The following HSD17B12 variants were observed in gnomAD, a reference collection of about 807,000 sequenced individuals.
HSD17B12 encodes hydroxysteroid 17-beta dehydrogenase 12.
In HSD17B12, 32 loss-of-function variants were observed where a neutral mutation model predicts 39.3. The observed-to-expected ratio is 0.81, with a 90% CI of 0.61 to 1.09. The LOEUF is 1.09. Ranked by LOEUF, HSD17B12 falls within the 50% of genes least tolerant of loss-of-function variation. The pLI, the probability that HSD17B12 is intolerant of heterozygous loss-of-function variation, is 0.00. For missense variants in HSD17B12, 342 were observed against 382.9 expected, an observed-to-expected ratio of 0.89 and a Z score of 0.89; for synonymous variants, 150 against 146.7, an observed-to-expected ratio of 1.02 and a Z score of -0.16.
the HSD17B12 span, among the ~76,000 whole-genome samples, chr11:43,665,055 CCTT>C: frequency 6.6e-6 from 1 of 152,110 alleles, no homozygotes; most frequent in Non-Finnish European, 1.5e-5. Context: ...TCATTCATAT[CCTT>C]CTTAAACACG....
At chr11:43,850,662 C>G (rs1951522021) in intron 9 of HSD17B12, among the ~76,000 whole-genome samples, 1 of 152,230 alleles carries the variant, frequency 6.6e-6, no homozygotes, top group Admixed American at 6.5e-5. Flanking sequence ...ATCTTTCTTT[C>G]CACTACTCCA....
intron 3 of HSD17B12, 155 bp downstream of exon 3, chr11:43,754,276 G>T: frequency 1.7e-6 from 1 of 595,136 alleles, no homozygotes; most frequent in Non-Finnish European, 2.9e-6. Context: ...CTTTAAAAAT[G>T]GATCATCAAT....
At chr11:43,765,185 AGG>A (rs1438659264) in intron 3 of HSD17B12, among the ~76,000 whole-genome samples, 1 of 151,568 alleles carries the variant, frequency 6.6e-6, no homozygotes, top group Non-Finnish European at 1.5e-5. Context: ...CCCTGTCTGA[AGG>A]TCTTCCTTTA....
the HSD17B12 span, among the ~76,000 whole-genome samples, chr11:43,625,776 C>A: frequency 1.3e-5 from 2 of 151,058 alleles, no homozygotes; most frequent in Non-Finnish European, 3.0e-5. Context: ...GTTAAAAAGA[C>A]CAAAACAAAC....
At chr11:43,770,081 A>G (rs1950634361) in intron 3 of HSD17B12, among the ~76,000 whole-genome samples, 1 of 152,130 alleles carries the variant, frequency 6.6e-6, no homozygotes. Context: ...TTTCCCTGGT[A>G]TCTTGATCCC....
chr11:43,719,345 G>A (rs1363459134), intron 1 of HSD17B12, among the ~76,000 whole-genome samples: 1 of 152,146 alleles, frequency 6.6e-6, no homozygotes, highest in Non-Finnish European at 1.5e-5. Context: ...AGAGATCTAT[G>A]TGACTAGAGT....
At chr11:43,683,809 A>G (rs1445038094) in intron 1 of HSD17B12, among the ~76,000 whole-genome samples, 7 of 152,150 alleles carry the variant, frequency 4.6e-5, no homozygotes. Context: ...AATTGATACT[A>G]TATTTTTATT....
intron 1 of HSD17B12, among the ~76,000 whole-genome samples, chr11:43,726,819 G>T (rs1950224225): frequency 6.6e-6 from 1 of 152,160 alleles, no homozygotes; most frequent in Non-Finnish European, 1.5e-5. Context: ...GAAGCTGCCA[G>T]CCTTGTCAAA....
intron 1 of HSD17B12, among the ~76,000 whole-genome samples, chr11:43,692,434 G>A (rs1949871167): frequency 1.3e-5 from 2 of 152,140 alleles, no homozygotes; most frequent in African/African-American, 4.8e-5. Context: ...AGATGTCCTT[G>A]AATAGTATTG....
At chr11:43,781,514 C>T (rs1461462107) in intron 3 of HSD17B12, among the ~76,000 whole-genome samples, 1 of 152,118 alleles carries the variant, frequency 6.6e-6, no homozygotes, top group East Asian at 1.9e-4. Flanking sequence ...CAAAAAAGAT[C>T]TGCAAGATAA....
chr11:43,773,617 C>T (rs1213078265), intron 3 of HSD17B12, among the ~76,000 whole-genome samples: 2 of 152,276 alleles, frequency 1.3e-5, no homozygotes, highest in Non-Finnish European at 1.5e-5. Context: ...CCAAATACTC[C>T]GTGTCCCCAT....
the HSD17B12 span, among the ~76,000 whole-genome samples, chr11:43,573,045 C>A: frequency 6.6e-5 from 10 of 152,206 alleles, no homozygotes; most frequent in African/African-American, 2.4e-4. Context: ...CAGTTCTTTT[C>A]AAGGGCTTCG....
rs189820839 is a variant in HSD17B12, at chr11:43,765,394, C to T, written c.283+11273C>T. The stretch of plus-strand genomic sequence containing the variant: ...TTCTGATAAGAAGTCAGCTGTTATT[C>T]TTACCATTTTATCACCATGCATAAT... On this transcript the variant is annotated intron_variant, in intron 3 of 10. Transcript: ENST00000278353. Among the ~76,000 whole-genome samples the T allele has an allele frequency of 9.9e-5, 15 of 150,950 alleles. No homozygotes were observed. The East Asian group carries it at 2.3e-3, about 23-fold the overall frequency.
intron 3 of HSD17B12, among the ~76,000 whole-genome samples, chr11:43,790,332 T>A (rs1950855742): frequency 6.6e-6 from 1 of 152,138 alleles, no homozygotes; most frequent in South Asian, 2.1e-4. Flanking sequence ...AATATGCAGC[T>A]GATGCAAGGA....
At chr11:43,653,791 A>T in the HSD17B12 span, among the ~76,000 whole-genome samples, 1 of 152,186 alleles carries the variant, frequency 6.6e-6, no homozygotes. Flanking sequence ...TTCTTAATCC[A>T]GTCTATCATT....
chr11:43,724,408 G>A (rs1238793682), intron 1 of HSD17B12, among the ~76,000 whole-genome samples: 1 of 152,118 alleles, frequency 6.6e-6, no homozygotes, highest in Non-Finnish European at 1.5e-5. Flanking sequence ...TAAATACATA[G>A]AGCACCAATT....
chr11:43,597,652 G>A, the HSD17B12 span, among the ~76,000 whole-genome samples: 2 of 152,062 alleles, frequency 1.3e-5, no homozygotes, highest in Admixed American at 6.6e-5. Context: ...TTGTTTTGTT[G>A]TTTTTTGTTT....
At chr11:43,633,641 G>A in the HSD17B12 span, among the ~76,000 whole-genome samples, 2 of 152,182 alleles carry the variant, frequency 1.3e-5, no homozygotes, top group African/African-American at 4.8e-5. Flanking sequence ...ACTGAAGGGA[G>A]AGGTTGAGAA....
chr11:43,768,707 G>C (rs1015710240), intron 3 of HSD17B12, among the ~76,000 whole-genome samples: 25 of 152,212 alleles, frequency 1.6e-4, no homozygotes, highest in African/African-American at 5.1e-4. Flanking sequence ...GCAGCAGCAA[G>C]ATTTACTGTG....
Sources: gnomAD v4.1 joint callset for allele counts (sites outside exome capture counted in the v4.1 genomes callset) on GRCh38, gnomAD v4.1.1 for gene constraint, MANE v1.5 for transcripts, NCBI Gene and HGNC (gene_info 2026-07-23, HGNC 2026-07-21) for gene names.